Variants in EBF1 observed in about 807,000 individuals in gnomAD.
The protein encoded by EBF1 is EBF transcription factor 1.
In EBF1, 10 loss-of-function variants were observed where a neutral mutation model predicts 68.4. The ratio of observed to expected loss-of-function variants is 0.15; its 90% CI spans 0.09 to 0.25. The LOEUF (loss-of-function observed/expected upper bound fraction) is 0.25. Among genes scored for constraint, EBF1 ranks in the 10% least tolerant of loss-of-function variants. EBF1 has a pLI of 1.00. For synonymous variants in EBF1, 298 were observed against 299.8 expected (o/e 0.99, Z 0.06); for missense variants, 509 against 794.4 (o/e 0.64, Z 4.32).
chr5:158,950,898 T>C (rs956017708), intron 6 of EBF1, among the ~76,000 whole-genome samples: 2 of 152,208 alleles, frequency 1.3e-5, no homozygotes, highest in African/African-American at 4.8e-5. Context: ...GCTACTTAGC[T>C]CTGGCCAATT....
chr5:158,793,583 T>A (rs1460968859), intron 9 of EBF1, among the ~76,000 whole-genome samples: 1 of 152,166 alleles, frequency 6.6e-6, no homozygotes, highest in Admixed American at 6.5e-5. Flanking sequence ...ATAAAAAAAA[T>A]ATGGTATAGT....
At chr5:158,782,496 A>C (rs1033772023) in intron 9 of EBF1, among the ~76,000 whole-genome samples, 9 of 149,354 alleles carry the variant, frequency 6.0e-5, no homozygotes, top group African/African-American at 1.7e-4. Context: ...CTGTCTCTAC[A>C]AAAAAAAAAT....
chr5:158,951,410 C>A (rs1044620038), intron 6 of EBF1, among the ~76,000 whole-genome samples: 1 of 152,136 alleles, frequency 6.6e-6, no homozygotes, highest in African/African-American at 2.4e-5. Context: ...TTTTTCCTGG[C>A]AGGTGCACGT....
At chr5:158,987,815 T>C (rs56176059) in intron 6 of EBF1, among the ~76,000 whole-genome samples, 35,374 of 152,084 alleles carry the variant, frequency 0.23, 4,466 homozygotes, top group Non-Finnish European at 0.27. Flanking sequence ...TAAATACTTA[T>C]AGGAAAAAAT....
chr5:158,957,340 G>A (rs937306502), intron 6 of EBF1, among the ~76,000 whole-genome samples: 2 of 152,180 alleles, frequency 1.3e-5, no homozygotes, highest in Non-Finnish European at 2.9e-5. Context: ...CAAAGATTAA[G>A]TCACATAAGA....
intron 6 of EBF1, among the ~76,000 whole-genome samples, chr5:159,015,909 A>G (rs1187286508): frequency 1.3e-5 from 2 of 152,192 alleles, no homozygotes; most frequent in Non-Finnish European, 2.9e-5. Flanking sequence ...AAAACACCAC[A>G]CATGTGGATT....
At chr5:159,033,788 CT>C (rs1288432886) in intron 6 of EBF1, among the ~76,000 whole-genome samples, 1 of 152,100 alleles carries the variant, frequency 6.6e-6, no homozygotes, top group Admixed American at 6.6e-5. Context: ...TGAAAATTAG[CT>C]TTTTTTCTGG....
At position 159,097,142 on chromosome 5, in the gene EBF1, G is replaced by A; in HGVS notation, c.135-12C>T. On this transcript the variant is annotated splice_polypyrimidine_tract_variant and intron_variant, in intron 1 of 15. Coordinates refer to ENST00000313708, the MANE Select transcript of EBF1 (RefSeq NM_024007.5). ...CCAGACCCACCCCGCTGCGGCCAAAGACGCAGAGTTAGATGGCTAAACCGG... is the reference window on the plus strand; with the variant it reads ...CCAGACCCACCCCGCTGCGGCCAAAAACGCAGAGTTAGATGGCTAAACCGG... The A allele has an allele frequency of 6.2e-7, 1 of 1,612,692 alleles. No homozygotes were observed. The highest frequency in any genetic ancestry group is 2.2e-5 in the East Asian group (1 of 44,856).
At chr5:158,822,497 C>A (rs1055841574) in intron 8 of EBF1, among the ~76,000 whole-genome samples, 5 of 152,136 alleles carry the variant, frequency 3.3e-5, no homozygotes, top group African/African-American at 1.2e-4. Flanking sequence ...TTCCTTCAGT[C>A]CTCTCAAAGG....
At position 158,837,144 on chromosome 5, in the gene EBF1, G is replaced by T. The variant is rs531994610; in HGVS notation, c.636+2885C>A. 3.3e-5 allele frequency among the ~76,000 whole-genome samples: 5 copies of T among 152,264 alleles called. No homozygotes were observed. The South Asian group carries it at 1.0e-3, about 32-fold the overall frequency. On this transcript the variant is annotated intron_variant, in intron 7 of 15. Transcript: ENST00000313708. ...TTTGCCTCTCCTCTCTCCACCAGGG[G>T]ACATTTGATAATGTCTGCAGACATT...
chr5:158,849,854 G>A (rs1028833471), intron 6 of EBF1, among the ~76,000 whole-genome samples: 6 of 152,152 alleles, frequency 3.9e-5, no homozygotes, highest in Admixed American at 2.0e-4. Context: ...TAGGGATGTT[G>A]GCCCCATTCT....
At chr5:159,002,631 A>G (rs1255155301) in intron 6 of EBF1, among the ~76,000 whole-genome samples, 1 of 152,246 alleles carries the variant, frequency 6.6e-6, no homozygotes, top group Non-Finnish European at 1.5e-5. Flanking sequence ...AATGGAAGAA[A>G]TTTTAGTTTG....
chr5:158,893,734 T>G (rs2127246072), intron 6 of EBF1, among the ~76,000 whole-genome samples: 1 of 152,304 alleles, frequency 6.6e-6, no homozygotes, highest in African/African-American at 2.4e-5. Flanking sequence ...CATTTCCAAG[T>G]ATATTCTCCA....
At chr5:158,966,118 G>A (rs1035851892) in intron 6 of EBF1, among the ~76,000 whole-genome samples, 1 of 152,212 alleles carries the variant, frequency 6.6e-6, no homozygotes, top group African/African-American at 2.4e-5. Flanking sequence ...TCTAGAAGAA[G>A]TAACATTGGT....
intron 10 of EBF1, among the ~76,000 whole-genome samples, chr5:158,777,202 C>T (rs1775469327): frequency 6.6e-6 from 1 of 152,156 alleles, no homozygotes; most frequent in South Asian, 2.1e-4. Flanking sequence ...GTTATTTCAA[C>T]AGAACGCGCC....
intron 6 of EBF1, among the ~76,000 whole-genome samples, chr5:158,876,537 A>G (rs1797840648): frequency 6.6e-6 from 1 of 152,294 alleles, no homozygotes; most frequent in African/African-American, 2.4e-5. Flanking sequence ...CTCCGAGGGC[A>G]TAGAGAGAAA....
At chr5:158,975,538 A>C (rs1428192564) in intron 6 of EBF1, among the ~76,000 whole-genome samples, 1 of 152,194 alleles carries the variant, frequency 6.6e-6, no homozygotes, top group Non-Finnish European at 1.5e-5. Flanking sequence ...AGACAGAGAG[A>C]GGCAGGAAAA....
intron 6 of EBF1, among the ~76,000 whole-genome samples, chr5:159,062,255 G>A (rs375900937): frequency 1.3e-5 from 2 of 152,212 alleles, no homozygotes; most frequent in Non-Finnish European, 1.5e-5. Context: ...CCTATCAAAT[G>A]TGAGGGCCTC....
intron 6 of EBF1, among the ~76,000 whole-genome samples, chr5:159,027,819 G>T (rs2127733637): frequency 6.6e-6 from 1 of 152,308 alleles, no homozygotes; most frequent in South Asian, 2.1e-4. Context: ...CAGCAGGGTA[G>T]GCCACAGCTG....
Sources: allele counts gnomAD v4.1 joint callset (sites outside exome capture counted in the v4.1 genomes callset), GRCh38; gene constraint gnomAD v4.1.1; transcripts MANE v1.5; gene names NCBI Gene and HGNC (gene_info 2026-07-23, HGNC 2026-07-21).